TMEM114: variants seen among roughly 807,000 people sequenced by gnomAD.
TMEM114 encodes claudin-26.
TMEM114 carries 6 observed loss-of-function variants against 6.2 expected under a neutral mutation model. The observed-to-expected ratio is 0.97, with a 90% CI of 0.53 to 1.91. TMEM114 has a LOEUF of 1.91. TMEM114 is among the 40% of genes most tolerant of loss of function. The pLI is 0.01. For missense variants in TMEM114, 218 were observed against 158.3 expected (o/e 1.38, Z -2.02); for synonymous variants, 104 against 73.0 (o/e 1.42, Z -2.16).
downstream of TMEM114, among the ~76,000 whole-genome samples, chr16:8,533,760 C>A (rs905168184): frequency 5.3e-5 from 8 of 152,194 alleles, no homozygotes; most frequent in Non-Finnish European, 4.4e-5. Flanking sequence ...ATTGAGTTTT[C>A]CATAGACCAG....
At chr16:8,554,129 T>A (rs4787257) in intron 2 of TMEM114, among the ~76,000 whole-genome samples, 63,476 of 151,842 alleles carry the variant, frequency 0.42, 13,639 homozygotes, top group East Asian at 0.52. Flanking sequence ...TCCACCCGAC[T>A]TGGCCTCCCT....
At chr16:8,553,872 C>T (rs1596472904) in intron 2 of TMEM114, among the ~76,000 whole-genome samples, 1 of 151,204 alleles carries the variant, frequency 6.6e-6, no homozygotes, top group Non-Finnish European at 1.5e-5. Context: ...CTAATTTTTT[C>T]CTTTTCTTTT....
intron 2 of TMEM114, among the ~76,000 whole-genome samples, chr16:8,543,646 G>T (rs970661365): frequency 6.6e-6 from 1 of 151,904 alleles, no homozygotes; most frequent in African/African-American, 2.4e-5. Flanking sequence ...GACAGCCAAG[G>T]TTTCTGCCTT....
the TMEM114 span, among the ~76,000 whole-genome samples, chr16:8,529,235 C>G: frequency 6.6e-6 from 1 of 152,134 alleles, no homozygotes; most frequent in African/African-American, 2.4e-5. Flanking sequence ...TAGCTTTCCA[C>G]TCAAGGCTAG....
intron 2 of TMEM114, among the ~76,000 whole-genome samples, chr16:8,561,821 T>TA (rs1901214528): frequency 8.1e-6 from 1 of 123,276 alleles, no homozygotes; most frequent in East Asian, 2.0e-4. Context: ...AAGGAGGGAG[T>TA]GAATGAGTGA....
chr16:8,543,446 G>A (rs9938138), intron 2 of TMEM114, among the ~76,000 whole-genome samples: 47,300 of 103,234 alleles, frequency 0.46, 7,971 homozygotes, highest in African/African-American at 0.58. Context: ...AGTCACTTGC[G>A]TCATGCAATG....
intron 2 of TMEM114, among the ~76,000 whole-genome samples, chr16:8,561,082 C>T (rs1437583934): frequency 6.6e-6 from 1 of 152,154 alleles, no homozygotes; most frequent in Admixed American, 6.5e-5. Flanking sequence ...AAACTGCTCC[C>T]ATGATTCGAT....
intron 2 of TMEM114, among the ~76,000 whole-genome samples, chr16:8,588,245 C>T (rs953916265): frequency 6.6e-6 from 1 of 150,636 alleles, no homozygotes; most frequent in Non-Finnish European, 1.5e-5. Flanking sequence ...CAAGATTATG[C>T]CACTGTACTC....
At chr16:8,564,023 G>A (rs1212090326) in intron 2 of TMEM114, among the ~76,000 whole-genome samples, 2 of 151,362 alleles carry the variant, frequency 1.3e-5, no homozygotes, top group Non-Finnish European at 2.9e-5. Context: ...GTATGTGAAT[G>A]AGTAAATGAG....
intron 2 of TMEM114, among the ~76,000 whole-genome samples, chr16:8,573,194 G>A (rs1332632037): frequency 6.6e-6 from 1 of 152,242 alleles, no homozygotes; most frequent in East Asian, 1.9e-4. Context: ...AGAACTAACG[G>A]GGACACTGTT....
intron 2 of TMEM114, among the ~76,000 whole-genome samples, chr16:8,543,150 G>A (rs1462079303): frequency 6.6e-6 from 1 of 152,198 alleles, no homozygotes; most frequent in Non-Finnish European, 1.5e-5. Flanking sequence ...TGGCCTCATA[G>A]CAAAGAAACT....
At chr16:8,530,115 G>C in the TMEM114 span, among the ~76,000 whole-genome samples, 1 of 152,172 alleles carries the variant, frequency 6.6e-6, no homozygotes, top group East Asian at 1.9e-4. Context: ...GTTGAAATTT[G>C]CATTAGCTTT....
intron 2 of TMEM114, among the ~76,000 whole-genome samples, chr16:8,586,235 G>T (rs957640767): frequency 1.3e-5 from 2 of 152,216 alleles, no homozygotes; most frequent in East Asian, 3.9e-4. Flanking sequence ...CTGGAAACTC[G>T]ATGTCAAGTC....
chr16:8,527,210 C>G, the TMEM114 span, among the ~76,000 whole-genome samples: 36 of 152,246 alleles, frequency 2.4e-4, no homozygotes, highest in African/African-American at 8.7e-4. Flanking sequence ...AACTGTGTCT[C>G]AATTAATAAA....
At chr16:8,558,244 T>C (rs746105396) in intron 2 of TMEM114, among the ~76,000 whole-genome samples, 48 of 152,180 alleles carry the variant, frequency 3.2e-4, no homozygotes, top group Middle Eastern at 3.4e-3. Context: ...TGAGAGTCTG[T>C]CTCAAAAAGA....
At chr16:8,566,263 G>C (rs975974744), downstream of TMEM114, among the ~76,000 whole-genome samples, 2 of 152,150 alleles carry the variant, frequency 1.3e-5, no homozygotes, top group East Asian at 1.9e-4. Flanking sequence ...TGTAGTCCCA[G>C]CTACTGGGGA....
At chr16:8,571,350 G>A in intron 3 of TMEM114, among the ~76,000 whole-genome samples, 1 of 152,166 alleles carries the variant, frequency 6.6e-6, no homozygotes, top group East Asian at 1.9e-4. Flanking sequence ...ACAGCATGAG[G>A]ATTTGATATG....
chr16:8,570,725 C>T (rs1262373039), intron 3 of TMEM114, among the ~76,000 whole-genome samples: 2 of 152,156 alleles, frequency 1.3e-5, no homozygotes, highest in African/African-American at 2.4e-5. Flanking sequence ...GCACCGAGAA[C>T]GGTGCCTGGC....
chr16:8,538,516 G>GT (rs34436612), intron 2 of TMEM114, among the ~76,000 whole-genome samples: 5,803 of 150,390 alleles, frequency 0.039, 365 homozygotes, highest in African/African-American at 0.13. Flanking sequence ...TTTGTTTTTT[G>GT]TTTTTTTTTG....
Sources: allele counts gnomAD v4.1 joint callset (sites outside exome capture counted in the v4.1 genomes callset), GRCh38; gene constraint gnomAD v4.1.1; transcripts MANE v1.5; gene names NCBI Gene and HGNC (gene_info 2026-07-23, HGNC 2026-07-21).